Variants in KCNU1 observed in about 807,000 individuals in gnomAD.
The protein encoded by KCNU1 is potassium channel subfamily U member 1.
In KCNU1, 93 loss-of-function variants were observed where a neutral mutation model predicts 126.8. The observed-to-expected ratio is 0.73, with a 90% CI of 0.62 to 0.87. The LOEUF is 0.87. KCNU1 is among the 40% of genes least tolerant of loss of function. KCNU1 has a pLI of 0.00. For synonymous variants in KCNU1, 523 were observed against 494.2 expected (o/e 1.06, Z -0.77); for missense variants, 1,330 against 1,367.1 (o/e 0.97, Z 0.43).
chr8:36,922,645 C>A lies in KCNU1; in HGVS notation c.2736+16C>A, dbSNP rs755761358. On this transcript the variant is annotated intron_variant, in intron 24 of 26. Transcript: ENST00000399881. ...GCTGGCCACGGTAAGAAAAGCTAAG[C>A]CATGGAGCCCCCAAAACCAAGCCCT... is the stretch of plus-strand genomic sequence containing the variant. 44 of 1,608,754 alleles carry A rather than the reference C, an allele frequency of 2.7e-5. No homozygotes were observed. In the Admixed American group the frequency reaches 7.4e-4, roughly 27 times the overall value.
chr8:36,830,755 T>A (rs111433025), intron 10 of KCNU1, among the ~76,000 whole-genome samples: 4,899 of 151,468 alleles, frequency 0.032, 106 homozygotes, highest in Non-Finnish European at 0.051. Context: ...TTCTTTTTTT[T>A]AATTTATTTA....
At chr8:36,801,306 T>C (rs1264645493) in intron 2 of KCNU1, among the ~76,000 whole-genome samples, 1 of 152,216 alleles carries the variant, frequency 6.6e-6, no homozygotes, top group Admixed American at 6.5e-5. Flanking sequence ...TTCCTCTCGT[T>C]AGTGTCCACA....
At chr8:36,884,140 A>G (rs1266815908) in intron 19 of KCNU1, among the ~76,000 whole-genome samples, 2 of 152,188 alleles carry the variant, frequency 1.3e-5, no homozygotes, top group Admixed American at 6.5e-5. Flanking sequence ...CAGAATTTGC[A>G]TGACTAATGG....
intron 2 of KCNU1, among the ~76,000 whole-genome samples, chr8:36,791,148 G>A (rs1802887999): frequency 6.6e-6 from 1 of 152,090 alleles, no homozygotes; most frequent in African/African-American, 2.4e-5. Context: ...AATATGACAA[G>A]GTATTGATCA....
rs769365839 is a variant in KCNU1 at position 36,805,297 on chromosome 8, T to C, written c.468+12T>C. On this transcript the variant is annotated intron_variant, in intron 4 of 26. Transcript: ENST00000399881. ...ATTTTGGATTGAGGGTAAGTACCTATTGAAAGTGGGAGTGAATATCCAAAC... is the reference window on the plus strand; with the variant it reads ...ATTTTGGATTGAGGGTAAGTACCTACTGAAAGTGGGAGTGAATATCCAAAC... 4.7e-6 allele frequency: 7 copies of C among 1,505,252 alleles called. 1 individual carries two copies. Among genetic ancestry groups the C allele is most frequent in the South Asian group, 2.3e-5 (2 of 85,756 alleles). The allele number at this position is 1,505,252 out of a possible 1,614,324, so 93.2% of individuals were successfully genotyped here. A position where few individuals can be genotyped will look rare whatever the true frequency, so the allele number is the denominator to read the frequency against.
intron 1 of KCNU1, among the ~76,000 whole-genome samples, chr8:36,786,778 T>C (rs1361937337): frequency 2.6e-5 from 4 of 152,148 alleles, no homozygotes; most frequent in Non-Finnish European, 5.9e-5. Context: ...ATATAATAAG[T>C]AAAGACATTC....
chr8:36,815,037 C>T (rs554588661), intron 8 of KCNU1, among the ~76,000 whole-genome samples: 8 of 152,036 alleles, frequency 5.3e-5, no homozygotes, highest in South Asian at 2.1e-4. Context: ...AAGTTAGAAG[C>T]GATAAAAAGA....
chr8:36,854,833 T>G (rs770858194), intron 18 of KCNU1, among the ~76,000 whole-genome samples: 16 of 152,170 alleles, frequency 1.1e-4, no homozygotes, highest in Non-Finnish European at 1.9e-4. Flanking sequence ...TTACACAGGT[T>G]ATAGTGTGTT....
At position 36,909,295 on chromosome 8, in the gene KCNU1, G is replaced by T; in HGVS notation, c.2107-16G>T. ...TGCTTATGAAAATGACCAGACTGTG[G>T]CATCCTTATCCTTAGAAACGAACTG... On this transcript the variant is annotated splice_polypyrimidine_tract_variant and intron_variant, in intron 20 of 26. Transcript: ENST00000399881. The T allele has an allele frequency of 6.5e-7, 1 of 1,532,746 alleles. No homozygotes were observed. Among genetic ancestry groups the T allele is most frequent in the Non-Finnish European group, 9.0e-7 (1 of 1,106,484 alleles). The allele number at this position is 1,532,746 out of a possible 1,614,324, so 94.9% of individuals were successfully genotyped here. A position where few individuals can be genotyped will look rare whatever the true frequency, so the allele number is the denominator to read the frequency against.
intron 17 of KCNU1, 31 bp from the exon 18 acceptor site, chr8:36,845,771 A>G (rs1490994690): frequency 6.5e-7 from 1 of 1,536,664 alleles, no homozygotes; most frequent in Non-Finnish European, 9.0e-7. Context: ...AGACTCACAT[A>G]ATTCATTCTT....
chr8:36,896,610 T>G (rs888973685), intron 19 of KCNU1, among the ~76,000 whole-genome samples: 3 of 152,032 alleles, frequency 2.0e-5, no homozygotes, highest in Admixed American at 1.3e-4. Flanking sequence ...AAATTTGGTG[T>G]GTTTACTGTT....
At chr8:36,788,668 C>T (rs1031186497) in intron 2 of KCNU1, among the ~76,000 whole-genome samples, 3 of 152,196 alleles carry the variant, frequency 2.0e-5, no homozygotes, top group African/African-American at 7.2e-5. Context: ...GTTGAATCAT[C>T]TGGAAATGTG....
Position 36,932,108 on chromosome 8 carries a change from G to A in KCNU1, c.2932-812G>A, listed in dbSNP as rs79188110. Among the ~76,000 whole-genome samples the A allele has an allele frequency of 9.9e-3, 1,510 of 152,244 alleles. 16 individuals are homozygous for A. The highest frequency in any genetic ancestry group is 0.034 in the African/African-American group (1,396 of 41,568). On this transcript the variant is annotated intron_variant, in intron 25 of 26. Transcript: ENST00000399881. ...GTATACCTGGTGCATGTCAATGTGT[G>A]CTGCCAAAAGGGGCAGGACCCATGT... is the stretch of plus-strand genomic sequence containing the variant.
At chr8:36,928,396 C>T (rs980568254) in intron 24 of KCNU1, among the ~76,000 whole-genome samples, 1 of 152,024 alleles carries the variant, frequency 6.6e-6, no homozygotes, top group Non-Finnish European at 1.5e-5. Flanking sequence ...GTGGTTCAAC[C>T]TGGATTTATG....
chr8:36,868,177 G>A (rs973475115), intron 19 of KCNU1, among the ~76,000 whole-genome samples: 29 of 152,202 alleles, frequency 1.9e-4, no homozygotes, highest in African/African-American at 6.0e-4. Flanking sequence ...CTTACGTACC[G>A]TGTTAATGGG....
At chr8:36,890,575 G>A (rs574616575) in intron 19 of KCNU1, among the ~76,000 whole-genome samples, 1 of 152,030 alleles carries the variant, frequency 6.6e-6, no homozygotes, top group East Asian at 1.9e-4. Flanking sequence ...ATCAAAACCA[G>A]AGAAGACAGG....
chr8:36,911,778 A>G (rs1807885053), intron 22 of KCNU1, among the ~76,000 whole-genome samples: 1 of 152,128 alleles, frequency 6.6e-6, no homozygotes, highest in African/African-American at 2.4e-5. Context: ...TTGATGTTTA[A>G]CAAATACTTG....
At chr8:36,860,125 T>C (rs1331414975) in intron 18 of KCNU1, among the ~76,000 whole-genome samples, 1 of 152,192 alleles carries the variant, frequency 6.6e-6, no homozygotes, top group Non-Finnish European at 1.5e-5. Context: ...TTGCCCAGGC[T>C]GGAGTGCAGT....
At chr8:36,800,595 C>G (rs2130386750) in intron 2 of KCNU1, among the ~76,000 whole-genome samples, 1 of 152,356 alleles carries the variant, frequency 6.6e-6, no homozygotes, top group East Asian at 1.9e-4. Flanking sequence ...GTGGCCCCAT[C>G]TCCAATCCAT....
Sources: gnomAD v4.1 joint callset for allele counts (sites outside exome capture counted in the v4.1 genomes callset) on GRCh38, gnomAD v4.1.1 for gene constraint, MANE v1.5 for transcripts, NCBI Gene and HGNC (gene_info 2026-07-23, HGNC 2026-07-21) for gene names.